The following GGT1 variants were observed in gnomAD, a reference collection of about 807,000 sequenced individuals.
The protein encoded by GGT1 is gamma-glutamyltransferase 1.
Under a neutral mutation model 56.0 loss-of-function variants are expected in GGT1, and 21 were observed. The ratio of observed to expected loss-of-function variants is 0.38; its 90% CI spans 0.27 to 0.54. GGT1 has a LOEUF of 0.54. Ranked by LOEUF, GGT1 falls within the 20% of genes least tolerant of loss-of-function variation. GGT1 has a pLI of 0.82. For synonymous variants in GGT1, 238 were observed against 342.6 expected, an observed-to-expected ratio of 0.69 and a Z score of 3.37; for missense variants, 466 against 787.0, an observed-to-expected ratio of 0.59 and a Z score of 4.88.
rs545308465 is a variant in GGT1 at position 24,613,821 on chromosome 22, G to A, written c.165-955G>A. On this transcript the variant is annotated intron_variant, in intron 5 of 15. Coordinates refer to ENST00000400382, the MANE Select transcript of GGT1 (RefSeq NM_001288833.2). ...TCCCAGCACTTTGGGAGGTTGAGGC[G>A]ATAGGATTGCTTTAGACCATGAGTT... 5.9e-5 allele frequency among the ~76,000 whole-genome samples: 9 copies of A among 152,144 alleles called. No homozygotes were observed. In the South Asian group the frequency reaches 1.5e-3, roughly 25 times the overall value.
In GGT1 at chr22:24,628,109, G is replaced by A. The variant is rs369713123; in HGVS notation, c.1365G>A (p.Pro455=). The A allele has an allele frequency of 1.7e-4, 266 of 1,611,942 alleles. 1 individual carries two copies. In the East Asian group the frequency reaches 5.0e-3, roughly 30 times the overall value. ...AGCAGCCGCTCTCGTCCATGTGCCC[G>A]ACGATCATGGTGGGCCAGGACGGCC... The part of the protein sequence containing the change: ...PGKQPLSSMC[P]TIMVGQDGQV... Residue 455 remains proline (P), a synonymous_variant, in exon 14 of 16, where the codon CCG becomes CCA. Transcript: ENST00000400382. This position sits in a 1 kb window ranked among gnomAD's most constrained non-coding sequence, Gnocchi z 5.7.
At chr22:24,588,881 T>C in the GGT1 span, 1 of 1,006,726 alleles carries the variant, frequency 9.9e-7, no homozygotes, top group Admixed American at 5.5e-5. Flanking sequence ...TCTCTCTCAG[T>C]CCTAACTGGG....
chr22:24,601,263 G>T (rs2045777196), upstream of GGT1, among the ~76,000 whole-genome samples: 1 of 152,186 alleles, frequency 6.6e-6, no homozygotes, highest in South Asian at 2.1e-4. Context: ...GGGATGTCAT[G>T]CCCCCATGCG....
chr22:24,617,369 G>A (rs1187341654), intron 7 of GGT1, among the ~76,000 whole-genome samples: 1 of 152,212 alleles, frequency 6.6e-6, no homozygotes, highest in Non-Finnish European at 1.5e-5. Flanking sequence ...TCTGAGGGAA[G>A]TGGGGGCTCG....
intron 2 of GGT1, among the ~76,000 whole-genome samples, chr22:24,608,237 G>A (rs1429352518): frequency 1.3e-5 from 2 of 152,166 alleles, no homozygotes; most frequent in Admixed American, 6.5e-5. Context: ...GTCTTCCTCC[G>A]ATCCGGGGAC....
At chr22:24,593,643 C>T (rs980746056), upstream of GGT1, among the ~76,000 whole-genome samples, 2 of 151,988 alleles carry the variant, frequency 1.3e-5, no homozygotes, top group African/African-American at 2.4e-5. Flanking sequence ...AAAAATTAGC[C>T]GGGCGTGGTG....
rs543417122 is a variant in GGT1, at chr22:24,615,235, T to G, written c.382+108T>G. 4.5e-4 allele frequency: 323 copies of G among 724,988 alleles called. 4 individuals are homozygous for G. In the East Asian group the frequency reaches 6.3e-3, roughly 14 times the overall value. The allele number at this position is 724,988 out of a possible 1,614,324, so 44.9% of individuals were successfully genotyped here. On this transcript the variant is annotated intron_variant, in intron 7 of 15. Coordinates refer to ENST00000400382, the MANE Select transcript of GGT1 (RefSeq NM_001288833.2). ...CCGTCAGGGTTCAGGGGCAGTTCTG[T>G]CACCCCCCATCCCTTCCTGTCCCCA...
intron 1 of GGT1, among the ~76,000 whole-genome samples, chr22:24,605,938 A>ATGT (rs2046241910): frequency 1.1e-5 from 1 of 89,834 alleles, no homozygotes; most frequent in Non-Finnish European, 2.0e-5. Context: ...TATTATATAT[A>ATGT]ATATATAATA....
At chr22:24,588,413 A>G in the GGT1 span, 3 of 1,079,736 alleles carry the variant, frequency 2.8e-6, no homozygotes, top group Non-Finnish European at 2.8e-6. Flanking sequence ...CAGGCAGCCA[A>G]GTGTGTGTGT....
chr22:24,623,446 G>A (rs954135156), intron 10 of GGT1, among the ~76,000 whole-genome samples, 190 bp downstream of exon 10: 3 of 151,740 alleles, frequency 2.0e-5, no homozygotes, highest in Non-Finnish European at 4.4e-5. Flanking sequence ...GGGCTGAAGC[G>A]GGCAATGCTC....
the GGT1 span, among the ~76,000 whole-genome samples, chr22:24,587,608 G>A: frequency 1.3e-5 from 2 of 152,138 alleles, no homozygotes; most frequent in Admixed American, 6.5e-5. Context: ...GGCCAGCTCT[G>A]GACTGAGCCT....
intron 11 of GGT1, among the ~76,000 whole-genome samples, chr22:24,625,823 C>G (rs560354501): frequency 6.6e-6 from 1 of 150,702 alleles, no homozygotes; most frequent in East Asian, 2.0e-4. Context: ...GCCACCGTGC[C>G]TGGCCTGTTT....
intron 1 of GGT1, among the ~76,000 whole-genome samples, chr22:24,595,553 C>G (rs917061359): frequency 6.6e-6 from 1 of 152,228 alleles, no homozygotes; most frequent in African/African-American, 2.4e-5. Flanking sequence ...CTGGATTCTT[C>G]AGGGTAGCCC....
At position 24,628,292 on chromosome 22, in the gene GGT1, C is replaced by T; in HGVS notation, c.1467C>T (p.Leu489=). ...TGCCCCAGGCCATCATCTACAACCT[C>T]TGGTTCGGCTATGACGTGAAGCGGG... ...TATALAIIYN[L]WFGYDVKRAV... Residue 489 remains leucine, a synonymous_variant, in exon 15 of 16, where the codon CTC becomes CTT. Coordinates refer to ENST00000400382, the MANE Select transcript of GGT1 (RefSeq NM_001288833.2). The surrounding 1 kb of genome is among the most constrained non-coding windows in gnomAD (Gnocchi z 5.7). 2 of 1,611,958 alleles carry T rather than the reference C, an allele frequency of 1.2e-6. No homozygotes were observed. Among genetic ancestry groups the T allele is most frequent in the Non-Finnish European group, 1.7e-6 (2 of 1,179,848 alleles).
chr22:24,613,331 C>T (rs1352039096), intron 5 of GGT1, among the ~76,000 whole-genome samples: 1 of 152,194 alleles, frequency 6.6e-6, no homozygotes, highest in Non-Finnish European at 1.5e-5. Flanking sequence ...CCTTGGCCTC[C>T]CAAAGTGCTG....
At chr22:24,609,809 G>A (rs1318171889) in intron 2 of GGT1, 156 bp from the exon 3 acceptor site, 8 of 351,458 alleles carry the variant, frequency 2.3e-5, no homozygotes, top group Non-Finnish European at 4.2e-5. Flanking sequence ...TGCACAGCCT[G>A]GAAGGGAGTC....
chr22:24,619,989 TA>T (rs762277005), intron 7 of GGT1, among the ~76,000 whole-genome samples: 129 of 135,708 alleles, frequency 9.5e-4, no homozygotes, highest in Non-Finnish European at 1.4e-3. Flanking sequence ...GAGCCCCTCC[TA>T]AAAAAAAAAA....
intron 2 of GGT1, chr22:24,609,101 C>G (rs4049898): frequency 6.6e-6 from 1 of 152,152 alleles, no homozygotes. Context: ...CCCGGGGTGT[C>G]GGAGTGGCAA....
At chr22:24,600,358 T>C (rs560936163), upstream of GGT1, among the ~76,000 whole-genome samples, 31 of 152,234 alleles carry the variant, frequency 2.0e-4, no homozygotes, top group Non-Finnish European at 3.5e-4. Flanking sequence ...ACCCACACTA[T>C]CAGTGGCTGG....
Sources: allele counts gnomAD v4.1 joint callset (sites outside exome capture counted in the v4.1 genomes callset), GRCh38; gene constraint gnomAD v4.1.1; non-coding constraint Gnocchi (gnomAD v3.1); transcripts MANE v1.5; gene names NCBI Gene and HGNC (gene_info 2026-07-23, HGNC 2026-07-21).